RHOBTB3: variants seen among roughly 807,000 people sequenced by gnomAD.
The protein encoded by RHOBTB3 is rho-related BTB domain-containing protein 3.
Under a neutral mutation model 67.2 loss-of-function variants are expected in RHOBTB3, and 47 were observed. The observed-to-expected ratio is 0.70, with a 90% CI of 0.55 to 0.89. RHOBTB3 has a LOEUF of 0.89. Ranked by LOEUF, RHOBTB3 falls within the 40% of genes least tolerant of loss-of-function variation. RHOBTB3 has a pLI of 0.00. For synonymous variants in RHOBTB3, 273 were observed against 274.2 expected, an observed-to-expected ratio of 1.00 and a Z score of 0.04; for missense variants, 631 against 750.0, an observed-to-expected ratio of 0.84 and a Z score of 1.85.
chr5:95,783,631 T>A, intron 9 of RHOBTB3, 166 bp from the exon 10 acceptor site: 1 of 406,146 alleles, frequency 2.5e-6, no homozygotes, highest in Admixed American at 3.9e-5. Context: ...GGAATAAAAG[T>A]GCAGAATGCT....
intron 10 of RHOBTB3, among the ~76,000 whole-genome samples, chr5:95,785,763 G>A (rs1746207299): frequency 6.6e-6 from 1 of 152,056 alleles, no homozygotes; most frequent in South Asian, 2.1e-4. Context: ...ATTCTAACAA[G>A]TTGTTCATAC....
intron 1 of RHOBTB3, among the ~76,000 whole-genome samples, chr5:95,718,601 T>G (rs1195112510): frequency 6.6e-6 from 1 of 152,152 alleles, no homozygotes; most frequent in Non-Finnish European, 1.5e-5. Context: ...AATGCTCAAT[T>G]GAAGTTGGAG....
chr5:95,740,981 A>G (rs763720608), intron 3 of RHOBTB3, among the ~76,000 whole-genome samples: 6 of 152,178 alleles, frequency 3.9e-5, no homozygotes, highest in Non-Finnish European at 8.8e-5. Context: ...TATTAAGCCT[A>G]ATACAATCAT....
At chr5:95,745,244 C>A (rs1194492140) in intron 3 of RHOBTB3, among the ~76,000 whole-genome samples, 1 of 140,924 alleles carries the variant, frequency 7.1e-6, no homozygotes, top group Non-Finnish European at 1.5e-5. Context: ...TCTTGAAATT[C>A]TTTTTAAAGT....
intron 10 of RHOBTB3, among the ~76,000 whole-genome samples, chr5:95,784,441 G>T (rs544223325): frequency 1.4e-4 from 22 of 152,294 alleles, no homozygotes; most frequent in African/African-American, 5.1e-4. Context: ...GTATGTAGGA[G>T]ATATTGGTGT....
At chr5:95,724,410 T>G (rs950821161) in intron 1 of RHOBTB3, among the ~76,000 whole-genome samples, 1 of 152,262 alleles carries the variant, frequency 6.6e-6, no homozygotes, top group African/African-American at 2.4e-5. Context: ...TGAAATTATA[T>G]TTGGAAAATG....
rs1389671354 is a variant in RHOBTB3, at chr5:95,783,814, A to G, written c.1474A>G (p.Met492Val). 6 of 1,610,676 alleles carry G rather than the reference A, an allele frequency of 3.7e-6. No individual in the cohort carries two copies. The highest frequency in any genetic ancestry group is 2.2e-5 in the East Asian group (1 of 44,804). The change falls in exon 10 of 12, where the codon ATG (methionine) becomes GTG (valine). Residue 492 changes from methionine to valine, a missense_variant. Transcript: ENST00000379982. ...CTCATCAGCTGGCATATTCCAGGCC[A>G]TGTGTCTCCTGATCTGTGCCGAGAT... ...SCCPAGIFQAMCLLICAEMYQ... is the reference protein window; with the variant it reads ...SCCPAGIFQAVCLLICAEMYQ...
At chr5:95,720,061 G>A (rs982504194) in intron 1 of RHOBTB3, among the ~76,000 whole-genome samples, 3 of 152,182 alleles carry the variant, frequency 2.0e-5, no homozygotes, top group African/African-American at 7.2e-5. Flanking sequence ...TAATAGTCGA[G>A]AGTCTCATTA....
At chr5:95,752,500 T>A in intron 5 of RHOBTB3, 150 bp downstream of exon 5, 1 of 637,958 alleles carries the variant, frequency 1.6e-6, no homozygotes, top group Non-Finnish European at 2.8e-6. Context: ...GCCTAGAATC[T>A]GTGTTAATCA....
chr5:95,759,218 G>A (rs1414008838), intron 6 of RHOBTB3, among the ~76,000 whole-genome samples: 2 of 152,228 alleles, frequency 1.3e-5, no homozygotes, highest in Non-Finnish European at 2.9e-5. Context: ...TTTCGGCTGT[G>A]ATCTCTCCTT....
intron 3 of RHOBTB3, among the ~76,000 whole-genome samples, chr5:95,741,003 T>C (rs1580398338): frequency 6.6e-6 from 1 of 152,066 alleles, no homozygotes; most frequent in East Asian, 1.9e-4. Flanking sequence ...AATCAAGAAA[T>C]CTAACATACT....
intron 4 of RHOBTB3, chr5:95,751,523 A>G (rs1745090565): frequency 6.6e-6 from 1 of 151,864 alleles, no homozygotes; most frequent in South Asian, 2.1e-4. Flanking sequence ...AAAGAGAACC[A>G]ACAATTCCTT....
At position 95,755,529 on chromosome 5, in the gene RHOBTB3, C is replaced by G. The variant is rs141051942; in HGVS notation, c.816C>G (p.Ile272Met). The G allele has an allele frequency of 6.8e-6, 11 of 1,613,994 alleles. No homozygotes were observed. The highest frequency in any genetic ancestry group is 1.3e-5 in the African/African-American group (1 of 74,914). Reference sequence around the variant, plus strand: ...AGAAAGTTGTAGAGGCCCACAAGATCGTTCTCTGCGCTGTAAGCCATGTTT... The same window carrying G: ...AGAAAGTTGTAGAGGCCCACAAGATGGTTCTCTGCGCTGTAAGCCATGTTT... ...NLKKVVEAHKIVLCAVSHVFM... is the reference protein window; with the variant it reads ...NLKKVVEAHKMVLCAVSHVFM... Residue 272 changes from isoleucine to methionine, a missense_variant, in exon 6 of 12, where the codon ATC becomes ATG. Physicochemically the swap from Ile to Met is conservative, Grantham distance 10. Transcript: ENST00000379982.
intron 8 of RHOBTB3, among the ~76,000 whole-genome samples, chr5:95,778,098 G>A (rs921097014): frequency 6.6e-6 from 1 of 150,634 alleles, no homozygotes; most frequent in Non-Finnish European, 1.5e-5. Flanking sequence ...CAGCCTGGAC[G>A]ACAAAGCAAG....
At chr5:95,731,187 C>T, upstream of RHOBTB3, 1 of 1,004,786 alleles carries the variant, frequency 1.0e-6, no homozygotes. Context: ...GCCACCGGAG[C>T]TCCCGGGGCC....
chr5:95,788,840 G>A lies in RHOBTB3; in HGVS notation c.1702G>A (p.Glu568Lys). The change falls in exon 11 of 12, where the codon GAA (glutamate) becomes AAA (lysine). Residue 568 changes from glutamate to lysine, a missense_variant. Physicochemically the swap from Glu to Lys is moderately conservative, Grantham distance 56 (BLOSUM62 1). Coordinates refer to ENST00000379982, the MANE Select transcript of RHOBTB3 (RefSeq NM_014899.4). ...CTACCTCATCTTCAGTCAAAAGCCT[G>A]AATTTCAGGATCTTTCAGGTAGATT... The part of the protein sequence containing the change: ...TNYLIFSQKP[E>K]FQDLSVEERS... 2.6e-6 allele frequency: 4 copies of A among 1,557,004 alleles called. No homozygotes were observed. In the African/African-American group the frequency reaches 5.6e-5, roughly 22 times the overall value.
chr5:95,741,521 C>CTTTTT (rs1561441040), intron 3 of RHOBTB3, among the ~76,000 whole-genome samples: 6 of 78,452 alleles, frequency 7.6e-5, no homozygotes, highest in African/African-American at 1.3e-4. Flanking sequence ...TTCTTTCTTT[C>CTTTTT]TGTTTTTTTT....
intron 9 of RHOBTB3, chr5:95,783,592 G>C: frequency 4.5e-6 from 1 of 223,438 alleles, no homozygotes; most frequent in Non-Finnish European, 8.3e-6. Flanking sequence ...AAAAGAAGAA[G>C]AAGAAAGGAA....
chr5:95,776,586 C>T lies in RHOBTB3; in HGVS notation c.1283-3666C>T, dbSNP rs375913884. Among the ~76,000 whole-genome samples, 9 of 152,116 alleles carry T rather than the reference C, an allele frequency of 5.9e-5. No homozygotes were observed. In the East Asian group the frequency reaches 1.2e-3, roughly 20 times the overall value. On this transcript the variant is annotated intron_variant, in intron 8 of 11. Transcript: ENST00000379982. ...AACCTCATGAGCGGTTTAAGGAAAACTAAATGAGAATGGAATCTATGGAAC... is the reference window on the plus strand; with the variant it reads ...AACCTCATGAGCGGTTTAAGGAAAATTAAATGAGAATGGAATCTATGGAAC...
Sources: allele counts gnomAD v4.1 joint callset (sites outside exome capture counted in the v4.1 genomes callset), GRCh38; gene constraint gnomAD v4.1.1; transcripts MANE v1.5; gene names NCBI Gene and HGNC (gene_info 2026-07-23, HGNC 2026-07-21).